Variants in NEB observed in about 807,000 individuals in gnomAD.
NEB encodes the protein nebulin.
A neutral mutation model predicts 952.2 loss-of-function variants in NEB; 512 were observed. That is an observed-to-expected ratio of 0.54 (90% CI 0.50 to 0.58). The LOEUF (loss-of-function observed/expected upper bound fraction) is 0.58. Among genes scored for constraint, NEB ranks in the 20% least tolerant of loss-of-function variants. The probability of loss-of-function intolerance (pLI) is 0.00; values close to 1 mark genes in which losing one functional copy is unlikely to be tolerated. For synonymous variants in NEB, 2,900 were observed against 3,149.8 expected, an observed-to-expected ratio of 0.92 and a Z score of 2.66; for missense variants, 8,428 against 9,231.1, an observed-to-expected ratio of 0.91 and a Z score of 3.56.
intron 12 of NEB, among the ~76,000 whole-genome samples, chr2:151,708,085 T>C (rs537348115): frequency 6.6e-6 from 1 of 152,282 alleles, no homozygotes; most frequent in South Asian, 2.1e-4. Context: ...CCCCTCCTCT[T>C]AAGCACCAAA....
intron 70 of NEB, among the ~76,000 whole-genome samples, chr2:151,625,940 G>A (rs1165318022): frequency 1.3e-5 from 2 of 152,102 alleles, no homozygotes; most frequent in Non-Finnish European, 2.9e-5. Context: ...TAAAAAGCAA[G>A]TATTTCTCAA....
intron 173 of NEB, among the ~76,000 whole-genome samples, chr2:151,494,484 G>T (rs1377839111): frequency 6.6e-6 from 1 of 152,058 alleles, no homozygotes; most frequent in African/African-American, 2.4e-5. Flanking sequence ...AGAGACCTGT[G>T]GTGTTCCTCA....
Position 151,687,606 on chromosome 2 carries a change from G to A in NEB, c.2523+20C>T. 6.2e-7 allele frequency: 1 copy of A among 1,613,526 alleles called. No individual in the cohort carries two copies. Among genetic ancestry groups the A allele is most frequent in the Non-Finnish European group, 8.5e-7 (1 of 1,179,614 alleles). ...CAAGGCCACCCTGTCCAGGTCCCCAGGTCCCCAGGCCACACTCACATCGCT... is the reference window on the plus strand; with the variant it reads ...CAAGGCCACCCTGTCCAGGTCCCCAAGTCCCCAGGCCACACTCACATCGCT... On this transcript the variant is annotated intron_variant, in intron 26 of 181. Transcript: ENST00000397345.
chr2:151,610,681 A>T lies in NEB; in HGVS notation c.11911-58T>A. 3 of 1,575,146 alleles carry T rather than the reference A, an allele frequency of 1.9e-6. No individual in the cohort carries two copies. The Admixed American group carries it at 5.0e-5, about 26-fold the overall frequency. ...GAGTGTTTGAGGAAGGTAATAGGCCAATTCCAGAAAGGAAATTGTTACGGT... is the reference window on the plus strand; with the variant it reads ...GAGTGTTTGAGGAAGGTAATAGGCCTATTCCAGAAAGGAAATTGTTACGGT... On this transcript the variant is annotated intron_variant, in intron 79 of 181. Coordinates refer to ENST00000397345, the MANE Select transcript of NEB (RefSeq NM_001164508.2).
chr2:151,576,698 A>AT (rs1246173031), intron 105 of NEB, among the ~76,000 whole-genome samples: 25 of 150,548 alleles, frequency 1.7e-4, no homozygotes, highest in Non-Finnish European at 3.1e-4. Flanking sequence ...TGCCTGTCTA[A>AT]TTTTTGTATT....
At chr2:151,648,360 C>T (rs2098988145) in intron 54 of NEB, among the ~76,000 whole-genome samples, 1 of 152,196 alleles carries the variant, frequency 6.6e-6, no homozygotes, top group African/African-American at 2.4e-5. Flanking sequence ...AGCACCCAAA[C>T]AAAGCAAGGC....
chr2:151,549,703 C>T lies in NEB; in HGVS notation c.19982G>A (p.Gly6661Glu). 6.3e-7 allele frequency: 1 copy of T among 1,598,870 alleles called. No individual in the cohort carries two copies. Among genetic ancestry groups the T allele is most frequent in the East Asian group, 2.3e-5 (1 of 44,388 alleles). ...YKTSLRTLPT[G>E]YRLPGDTPHF... ...AGGAGTGTCACCTGGAAGTCTATAT[C>T]CAGTGGGCAGGGTGCGCAGGCTGGT... Residue 6661 changes from glycine to glutamate, a missense_variant, in exon 130 of 182, where the codon GGA becomes GAA. Physicochemically the swap from Gly to Glu is moderately conservative, Grantham distance 98. Around this residue, in one of 11 missense-constraint regions of NEB, gnomAD observed 3,374 missense variants for 3,651.5 expected, o/e 0.92. Coordinates refer to ENST00000397345, the MANE Select transcript of NEB (RefSeq NM_001164508.2).
At position 151,567,278 on chromosome 2, in the gene NEB, G is replaced by A; in HGVS notation, c.18046C>T (p.Gln6016Ter). 1.2e-6 allele frequency: 2 copies of A among 1,613,898 alleles called. No homozygotes were observed. The highest frequency in any genetic ancestry group is 1.7e-6 in the Non-Finnish European group (2 of 1,179,844). The change falls in exon 114 of 182, where the codon CAG becomes TAG. Residue 6016 changes from glutamine to a stop codon, truncating the protein, a stop_gained. Transcript: ENST00000397345. LOFTEE classifies it high-confidence loss of function. Reference protein sequence around the residue: ...MVSVLAAKQGQTLVSDIDYRN... With the variant: ...MVSVLAAKQG ...TAATCAATATCACTGACAAGGGTCTGCCCCTGCTTGGCGGCCAAGACTGAC... is the reference window on the plus strand; with the variant it reads ...TAATCAATATCACTGACAAGGGTCTACCCCTGCTTGGCGGCCAAGACTGAC...
intron 119 of NEB, 125 bp from the exon 120 acceptor site, chr2:151,562,933 C>A: frequency 5.6e-6 from 2 of 359,022 alleles, no homozygotes; most frequent in Admixed American, 3.8e-5. Context: ...TTAATATATA[C>A]TTTATTATAT....
At chr2:151,492,844 C>G (rs2057650807) in intron 176 of NEB, 1 of 189,810 alleles carries the variant, frequency 5.3e-6, no homozygotes, top group African/African-American at 2.3e-5. Context: ...TTTGAAAGAA[C>G]TGTCCTTTAA....
chr2:151,675,360 T>TTCA lies in NEB; in HGVS notation c.3803_3805dup (p.Val1268_Lys1269insMet). ...ATCAGGACTCATGGTGTATTTATGTTTCACATCTTCTCCTTTAGCCTTGTA... is the reference window on the plus strand; with the variant it reads ...ATCAGGACTCATGGTGTATTTATGTTTCATCACATCTTCTCCTTTAGCCTTGTA... On this transcript the variant is annotated inframe_insertion, in exon 35 of 182. Transcript: ENST00000397345. 6.3e-7 allele frequency: 1 copy of TTCA among 1,586,770 alleles called. No homozygotes were observed.
At chr2:151,512,019 C>CTTTTTTTTTTT (rs71403173) in intron 161 of NEB, among the ~76,000 whole-genome samples, 7 of 93,586 alleles carry the variant, frequency 7.5e-5, no homozygotes, top group Middle Eastern at 6.2e-3. Context: ...CCCTCTCACT[C>CTTTTTTTTTTT]TTTTTTTTTT....
At chr2:151,506,484 T>G in intron 163 of NEB, 1 of 502,318 alleles carries the variant, frequency 2.0e-6, no homozygotes, top group Non-Finnish European at 3.5e-6. Context: ...AAGATTGTGG[T>G]ATACCATACT....
intron 153 of NEB, among the ~76,000 whole-genome samples, chr2:151,520,281 G>A (rs2081029889): frequency 6.6e-6 from 1 of 151,958 alleles, no homozygotes; most frequent in African/African-American, 2.4e-5. Flanking sequence ...TATTAAACTT[G>A]GCCAAAAATG....
At position 151,553,458 on chromosome 2, in the gene NEB, G is replaced by C; in HGVS notation, c.19671C>G (p.Cys6557Trp). The change falls in exon 127 of 182, where the codon TGC (cysteine) becomes TGG (tryptophan). Residue 6557 changes from cysteine to tryptophan, a missense_variant. Cys to Trp is a radical substitution (Grantham distance 215). Transcript: ENST00000397345. ...GGATTTCAGGAGTGTCCCAGACGTAGCAACCAATGCCTTTCAGCCAGTTGA... is the reference window on the plus strand; with the variant it reads ...GGATTTCAGGAGTGTCCCAGACGTACCAACCAATGCCTTTCAGCCAGTTGA... ...DDLNWLKGIG[C>W]YVWDTPEILH... is the part of the protein sequence containing the mutation. 1.2e-6 allele frequency: 2 copies of C among 1,613,698 alleles called. No individual in the cohort carries two copies. Among genetic ancestry groups the C allele is most frequent in the Non-Finnish European group, 1.7e-6 (2 of 1,179,686 alleles).
chr2:151,679,042 A>G (rs1392121288), intron 32 of NEB, among the ~76,000 whole-genome samples: 3 of 152,116 alleles, frequency 2.0e-5, no homozygotes, highest in Non-Finnish European at 4.4e-5. Flanking sequence ...GACCCGCAGG[A>G]GGAGGGCGCA....
intron 161 of NEB, among the ~76,000 whole-genome samples, chr2:151,509,368 G>A (rs1210785884): frequency 2.0e-5 from 3 of 151,420 alleles, no homozygotes; most frequent in South Asian, 2.1e-4. Context: ...AGAAACAATC[G>A]TCCTTTTATT....
At position 151,644,560 on chromosome 2, in the gene NEB, C is replaced by A. The variant is rs2154117932; in HGVS notation, c.7552G>T (p.Gly2518Cys). The A allele has an allele frequency of 1.2e-6, 2 of 1,613,408 alleles. No individual in the cohort carries two copies. Among genetic ancestry groups the A allele is most frequent in the Non-Finnish European group, 8.5e-7 (1 of 1,179,414 alleles). ...INTSDKLYRM[G>C]YEELKRKGYD... ...CCTTTTCTCTTCAGCTCCTCATAAC[C>A]CATTCGGTAGAGTTTCTGTTAAGAA... Residue 2518 changes from glycine (G) to cysteine (C), a missense_variant, in exon 56 of 182, where the codon GGT becomes TGT. Coordinates refer to ENST00000397345, the MANE Select transcript of NEB (RefSeq NM_001164508.2).
chr2:151,699,788 G>A lies in NEB; in HGVS notation c.1153-2140C>T, dbSNP rs1189653863. ...GCCCTTTGTCAGATGAGTAGGTTGCGAAAATTTTCTCCCATTTTGTAGGTT... is the reference window on the plus strand; with the variant it reads ...GCCCTTTGTCAGATGAGTAGGTTGCAAAAATTTTCTCCCATTTTGTAGGTT... On this transcript the variant is annotated intron_variant, in intron 13 of 181. Coordinates refer to ENST00000397345, the MANE Select transcript of NEB (RefSeq NM_001164508.2). 2.7e-3 allele frequency among the ~76,000 whole-genome samples: 395 copies of A among 147,098 alleles called. 1 individual carries two copies. Among genetic ancestry groups the A allele is most frequent in the African/African-American group, 8.6e-3 (342 of 39,988 alleles).
Sources: allele counts gnomAD v4.1 joint callset (sites outside exome capture counted in the v4.1 genomes callset), GRCh38; gene constraint gnomAD v4.1.1; regional missense constraint gnomAD v4.1.1; transcripts MANE v1.5; gene names NCBI Gene and HGNC (gene_info 2026-07-23, HGNC 2026-07-21).